Variants in NTRK3 observed in about 807,000 individuals in gnomAD.
NTRK3 encodes the protein NT-3 growth factor receptor.
NTRK3 carries 24 observed loss-of-function variants against 91.7 expected under a neutral mutation model. That is an observed-to-expected ratio of 0.26 (90% confidence interval 0.19 to 0.37). The LOEUF is 0.37. NTRK3 is among the 10% of genes least tolerant of loss of function. NTRK3 has a pLI of 1.00. For missense variants in NTRK3, 880 were observed against 1,068.9 expected, an observed-to-expected ratio of 0.82 and a Z score of 2.46; for synonymous variants, 483 against 404.0, an observed-to-expected ratio of 1.20 and a Z score of -2.34.
chr15:88,055,699 C>G (rs1266021828), intron 13 of NTRK3, among the ~76,000 whole-genome samples: 1 of 152,118 alleles, frequency 6.6e-6, no homozygotes, highest in Non-Finnish European at 1.5e-5. Context: ...AACCAAACAA[C>G]ATGAGAACCC....
chr15:87,986,090 C>G (rs1027552982), intron 14 of NTRK3, among the ~76,000 whole-genome samples: 3 of 152,230 alleles, frequency 2.0e-5, no homozygotes, highest in Non-Finnish European at 4.4e-5. Context: ...TTACCATTCT[C>G]AGAATTCACT....
chr15:87,902,677 G>A (rs937917105), intron 17 of NTRK3, among the ~76,000 whole-genome samples: 2 of 152,066 alleles, frequency 1.3e-5, no homozygotes, highest in African/African-American at 4.8e-5. Context: ...TATAAAGACA[G>A]TACATTGCCT....
intron 3 of NTRK3, among the ~76,000 whole-genome samples, chr15:88,251,509 C>T (rs1371011743): frequency 2.6e-5 from 4 of 152,230 alleles, no homozygotes; most frequent in East Asian, 3.8e-4. Context: ...CTGGAGGCCC[C>T]GAGGGGAGGC....
chr15:88,113,916 C>A (rs938713165), intron 13 of NTRK3, among the ~76,000 whole-genome samples: 1 of 152,168 alleles, frequency 6.6e-6, no homozygotes, highest in African/African-American at 2.4e-5. Flanking sequence ...GACCACCCAG[C>A]CTGTTTTTTA....
chr15:87,982,465 T>C (rs2074371477), intron 14 of NTRK3, among the ~76,000 whole-genome samples: 1 of 151,458 alleles, frequency 6.6e-6, no homozygotes, highest in Admixed American at 6.6e-5. Context: ...ATCTGACCTT[T>C]TCCTCTGTCT....
chr15:88,010,748 C>CCACA (rs10623073), intron 14 of NTRK3, among the ~76,000 whole-genome samples: 121 of 149,178 alleles, frequency 8.1e-4, no homozygotes, highest in Non-Finnish European at 1.1e-3. Flanking sequence ...ACACACACAC[C>CCACA]CACACACACA....
At chr15:87,916,548 A>T (rs188823345) in intron 17 of NTRK3, 66 of 702,390 alleles carry the variant, frequency 9.4e-5, no homozygotes, top group Admixed American at 3.6e-4. Context: ...ATCAGTCCTC[A>T]TGCCTGCACA....
At chr15:88,025,376 C>T (rs1013124613) in intron 14 of NTRK3, among the ~76,000 whole-genome samples, 1 of 152,212 alleles carries the variant, frequency 6.6e-6, no homozygotes, top group Admixed American at 6.5e-5. Context: ...TTGTCTGTTA[C>T]AGGTTATGTC....
chr15:88,217,747 A>T (rs2049906911), intron 3 of NTRK3, among the ~76,000 whole-genome samples: 1 of 147,688 alleles, frequency 6.8e-6, no homozygotes, highest in Non-Finnish European at 1.5e-5. Context: ...AAATTTTATT[A>T]TGTGTTTTGT....
At chr15:87,890,570 TAC>T (rs58806302) in intron 17 of NTRK3, among the ~76,000 whole-genome samples, 4,766 of 147,730 alleles carry the variant, frequency 0.032, 118 homozygotes, top group African/African-American at 0.053. Context: ...GCTTGTTCTT[TAC>T]ACACACACAC....
At chr15:87,899,824 T>C (rs1412108415) in intron 17 of NTRK3, among the ~76,000 whole-genome samples, 2 of 152,194 alleles carry the variant, frequency 1.3e-5, no homozygotes, top group Non-Finnish European at 2.9e-5. Flanking sequence ...CTAGCTTCTC[T>C]GAGCTGGAGC....
intron 5 of NTRK3, among the ~76,000 whole-genome samples, chr15:88,153,589 G>C (rs1022403490): frequency 6.6e-6 from 1 of 152,024 alleles, no homozygotes; most frequent in Non-Finnish European, 1.5e-5. Flanking sequence ...TATCTCCTTG[G>C]TTTTTGCTGT....
At chr15:87,944,691 C>G (rs2070262458) in intron 14 of NTRK3, among the ~76,000 whole-genome samples, 1 of 152,244 alleles carries the variant, frequency 6.6e-6, no homozygotes, top group South Asian at 2.1e-4. Context: ...CTTTCCCTCA[C>G]TCTGCTCATC....
chr15:88,079,759 A>C (rs994451828), intron 13 of NTRK3, among the ~76,000 whole-genome samples: 1 of 152,230 alleles, frequency 6.6e-6, no homozygotes, highest in Non-Finnish European at 1.5e-5. Context: ...AAAATGGGAA[A>C]CAATTTAAAA....
At chr15:88,178,049 G>T (rs1287068222) in intron 5 of NTRK3, among the ~76,000 whole-genome samples, 3 of 152,184 alleles carry the variant, frequency 2.0e-5, no homozygotes, top group African/African-American at 7.2e-5. Context: ...CTTACTGTCA[G>T]CTATCCAGCA....
chr15:88,018,235 C>T (rs2077371637), intron 14 of NTRK3, among the ~76,000 whole-genome samples: 1 of 152,212 alleles, frequency 6.6e-6, no homozygotes, highest in Non-Finnish European at 1.5e-5. Flanking sequence ...GGGGTGGACA[C>T]ACGGAGGGGG....
intron 14 of NTRK3, among the ~76,000 whole-genome samples, chr15:87,943,042 G>A (rs1023674674): frequency 6.6e-6 from 1 of 151,922 alleles, no homozygotes; most frequent in Admixed American, 6.6e-5. Context: ...TGTAATAGGA[G>A]AACTTGAGAA....
At chr15:88,183,640 C>A in intron 4 of NTRK3, 151 bp from the exon 5 acceptor site, 1 of 798,242 alleles carries the variant, frequency 1.3e-6, no homozygotes, top group East Asian at 2.6e-5. Context: ...TCACAGGTGG[C>A]CTGCTGGGGT....
exon 19 of NTRK3, chr15:87,870,976 G>A: frequency 4.3e-6 from 1 of 231,348 alleles, no homozygotes; most frequent in East Asian, 6.1e-5. Flanking sequence ...TCCCTATGAT[G>A]AAAGAAAGAT....
Sources: allele counts gnomAD v4.1 joint callset (sites outside exome capture counted in the v4.1 genomes callset), GRCh38; gene constraint gnomAD v4.1.1; transcripts MANE v1.5; gene names NCBI Gene and HGNC (gene_info 2026-07-23, HGNC 2026-07-21).